DOCK9: variants seen among roughly 807,000 people sequenced by gnomAD.
The protein encoded by DOCK9 is dedicator of cytokinesis 9.
DOCK9 carries 89 observed loss-of-function variants against 263.3 expected under a neutral mutation model. The observed-to-expected ratio is 0.34, with a 90% CI of 0.28 to 0.40. DOCK9 has a LOEUF of 0.40. Ranked by LOEUF, DOCK9 falls within the 10% of genes least tolerant of loss-of-function variation. The pLI is 1.00. For synonymous variants in DOCK9, 976 were observed against 973.1 expected (o/e 1.00, Z -0.06); for missense variants, 2,140 against 2,603.4 (o/e 0.82, Z 3.87).
chr13:98,813,320 T>C (rs2091496204), intron 45 of DOCK9, among the ~76,000 whole-genome samples: 12 of 152,216 alleles, frequency 7.9e-5, no homozygotes. Flanking sequence ...CATTCAGTCT[T>C]TCACAATTAA....
chr13:98,951,903 C>CTTTTTTTTTTTT lies in DOCK9; in HGVS notation c.243+3531_243+3532insAAAAAAAAAAAA, dbSNP rs71114563. ...ATGTACTTTACTTCATTAATATTCCCTTTTTTTTTTTGAGATGGAGTTTTC... is the reference window on the plus strand; with the variant it reads ...ATGTACTTTACTTCATTAATATTCCCTTTTTTTTTTTTTTTTTTTTTTTGAGATGGAGTTTTC... On this transcript the variant is annotated intron_variant, in intron 2 of 52. Transcript: ENST00000682017. Among the ~76,000 whole-genome samples, 9 of 134,912 alleles carry CTTTTTTTTTTTT rather than the reference C, an allele frequency of 6.7e-5. 1 individual carries two copies. Among genetic ancestry groups the CTTTTTTTTTTTT allele is most frequent in the Non-Finnish European group, 1.1e-4 (7 of 63,192 alleles). 88.5% of individuals were successfully genotyped at this position (134,912 alleles called of 152,430 possible).
At chr13:98,871,479 T>C (rs1809772052) in intron 27 of DOCK9, among the ~76,000 whole-genome samples, 1 of 152,254 alleles carries the variant, frequency 6.6e-6, no homozygotes, top group African/African-American at 2.4e-5. Flanking sequence ...AAATAGCTGT[T>C]GTTAAGAGTC....
intron 1 of DOCK9, among the ~76,000 whole-genome samples, chr13:98,964,119 C>T (rs139988798): frequency 1.3e-5 from 2 of 152,282 alleles, no homozygotes; most frequent in Non-Finnish European, 2.9e-5. Flanking sequence ...AGAACACGGC[C>T]CTGCCCCAGG....
chr13:99,051,685 G>T (rs2040702291), intron 1 of DOCK9, among the ~76,000 whole-genome samples: 1 of 151,966 alleles, frequency 6.6e-6, no homozygotes, highest in Admixed American at 6.6e-5. Flanking sequence ...GTAGAAATGA[G>T]ACCTTCACCA....
At chr13:98,967,823 A>C (rs1430138435) in intron 1 of DOCK9, among the ~76,000 whole-genome samples, 2 of 152,152 alleles carry the variant, frequency 1.3e-5, no homozygotes, top group African/African-American at 4.8e-5. Context: ...CAAAATACTA[A>C]ATCTTTCCAA....
At chr13:99,080,432 A>G (rs1039352430) in intron 1 of DOCK9, among the ~76,000 whole-genome samples, 2 of 152,184 alleles carry the variant, frequency 1.3e-5, no homozygotes, top group African/African-American at 4.8e-5. Context: ...TTCCTGAAAT[A>G]GTTTCAAAAA....
upstream of DOCK9, chr13:99,088,084 A>G (rs979983203): frequency 1.3e-5 from 2 of 152,268 alleles, no homozygotes; most frequent in African/African-American, 4.8e-5. Flanking sequence ...TTTAATGGGC[A>G]GGTCTGGAGG....
At chr13:98,894,881 G>A (rs1310451295) in intron 15 of DOCK9, among the ~76,000 whole-genome samples, 1 of 149,174 alleles carries the variant, frequency 6.7e-6, no homozygotes, top group Non-Finnish European at 1.5e-5. Flanking sequence ...AGCTGAGGCG[G>A]GCAGATTGCC....
chr13:98,958,828 G>C (rs2058346435), intron 1 of DOCK9, among the ~76,000 whole-genome samples: 1 of 151,912 alleles, frequency 6.6e-6, no homozygotes, highest in Admixed American at 6.5e-5. Context: ...TGATTTTTTT[G>C]CATCTATCTG....
chr13:98,920,525 T>G (rs1454655408), intron 7 of DOCK9, among the ~76,000 whole-genome samples: 1 of 150,860 alleles, frequency 6.6e-6, no homozygotes, highest in African/African-American at 2.4e-5. Flanking sequence ...TTGAACTCAA[T>G]CTGCGCTGAA....
At chr13:98,916,055 T>A (rs887660201) in intron 7 of DOCK9, among the ~76,000 whole-genome samples, 2 of 152,230 alleles carry the variant, frequency 1.3e-5, no homozygotes, top group South Asian at 4.1e-4. Flanking sequence ...TCCCTGTCCG[T>A]GGCCTTGCCT....
At chr13:98,885,930 C>T (rs1395187450) in intron 19 of DOCK9, 99 bp from the exon 20 acceptor site, 17 of 1,166,892 alleles carry the variant, frequency 1.5e-5, no homozygotes, top group Non-Finnish European at 2.0e-5. Flanking sequence ...TAAACGTGCA[C>T]TTGTTCTCCG....
chr13:99,027,621 G>A (rs539843371), intron 1 of DOCK9, among the ~76,000 whole-genome samples: 7 of 152,262 alleles, frequency 4.6e-5, no homozygotes, highest in South Asian at 2.1e-4. Flanking sequence ...GTCATGATAC[G>A]GTAAATGTGT....
At chr13:98,864,330 C>T (rs1206939467) in intron 30 of DOCK9, among the ~76,000 whole-genome samples, 1 of 152,148 alleles carries the variant, frequency 6.6e-6, no homozygotes, top group African/African-American at 2.4e-5. Context: ...AGGAAGGGTA[C>T]ATAAAAACAG....
At chr13:98,937,983 C>T (rs1010889563) in intron 2 of DOCK9, among the ~76,000 whole-genome samples, 2 of 152,206 alleles carry the variant, frequency 1.3e-5, no homozygotes, top group African/African-American at 4.8e-5. Flanking sequence ...AGTGGAGGTA[C>T]CTGTTTCCTC....
chr13:98,970,258 A>G (rs1273964243), intron 1 of DOCK9, among the ~76,000 whole-genome samples: 1 of 152,180 alleles, frequency 6.6e-6, no homozygotes, highest in Non-Finnish European at 1.5e-5. Context: ...TCAGCCTCAC[A>G]AAGTACCGGG....
chr13:99,012,106 G>T (rs369327929), intron 1 of DOCK9, among the ~76,000 whole-genome samples: 1 of 152,192 alleles, frequency 6.6e-6, no homozygotes, highest in Non-Finnish European at 1.5e-5. Flanking sequence ...GTGAGCCACA[G>T]CGCCCAGCCC....
intron 45 of DOCK9, among the ~76,000 whole-genome samples, chr13:98,821,518 G>A (rs1248989586): frequency 1.3e-5 from 2 of 152,126 alleles, no homozygotes; most frequent in Non-Finnish European, 2.9e-5. Context: ...TCCCAACTAT[G>A]CTACCTGCAT....
chr13:98,858,638 G>T lies in DOCK9; in HGVS notation c.3697+1767C>A, dbSNP rs533246537. On this transcript the variant is annotated intron_variant, in intron 33 of 52. Coordinates refer to ENST00000682017, the MANE Select transcript of DOCK9 (RefSeq NM_001366683.2). Reference sequence around the variant, plus strand: ...GGGATTTAAATCTTCAAGAAAGGAGGCAATATAGATAACCTGAGTATAATA... The same window carrying T: ...GGGATTTAAATCTTCAAGAAAGGAGTCAATATAGATAACCTGAGTATAATA... The T allele has an allele frequency of 8.5e-5, 13 of 152,330 alleles. No homozygotes were observed. The East Asian group carries it at 1.7e-3, about 20-fold the overall frequency. The allele number at this position is 152,330 out of a possible 1,614,324, so 9.4% of individuals were successfully genotyped here.
Sources: allele counts gnomAD v4.1 joint callset (sites outside exome capture counted in the v4.1 genomes callset), GRCh38; gene constraint gnomAD v4.1.1; transcripts MANE v1.5; gene names NCBI Gene and HGNC (gene_info 2026-07-23, HGNC 2026-07-21).